The following USP40 variants were observed in gnomAD, a reference collection of about 807,000 sequenced individuals.
USP40 encodes the protein ubiquitin carboxyl-terminal hydrolase 40.
Under a neutral mutation model 166.2 loss-of-function variants are expected in USP40, and 143 were observed. That is an observed-to-expected ratio of 0.86 (90% CI 0.75 to 0.99). The LOEUF is 0.99. Ranked by LOEUF, USP40 falls within the 50% of genes least tolerant of loss-of-function variation. The pLI, the probability that USP40 is intolerant of heterozygous loss-of-function variation, is 0.00. For missense variants in USP40, 1,444 were observed against 1,479.7 expected, an observed-to-expected ratio of 0.98 and a Z score of 0.40; for synonymous variants, 498 against 524.0, an observed-to-expected ratio of 0.95 and a Z score of 0.68.
At chr2:233,479,627 A>ATGTGTGTGTG (rs972806782) in intron 31 of USP40, among the ~76,000 whole-genome samples, 8 of 123,524 alleles carry the variant, frequency 6.5e-5, no homozygotes, top group African/African-American at 1.9e-4. Flanking sequence ...ATAGAATTTT[A>ATGTGTGTGTG]CGTGTGTGTG....
Position 233,524,494 on chromosome 2 carries a change from C to T in USP40, c.1879G>A (p.Glu627Lys), listed in dbSNP as rs763306683. 3.4e-5 allele frequency: 55 copies of T among 1,604,596 alleles called. No individual in the cohort carries two copies. Among genetic ancestry groups the T allele is most frequent in the Non-Finnish European group, 4.5e-5 (53 of 1,176,272 alleles). The change falls in exon 15 of 32, where the codon GAG (glutamate) becomes AAG (lysine). Residue 627 changes from glutamate (E) to lysine (K), a missense_variant and splice_region_variant. Transcript: ENST00000678225. ...GEDIFVWNGVEVGGVHIQTGI... is the reference protein window; with the variant it reads ...GEDIFVWNGVKVGGVHIQTGI... ...ATTTCTTCAGTAATTTTTTTTACCT[C>T]CACCCCATTCCACACAAAGATGTCT...
chr2:233,512,520 A>G, intron 19 of USP40, 49 bp downstream of exon 19: 6 of 1,354,502 alleles, frequency 4.4e-6, no homozygotes, highest in Non-Finnish European at 6.0e-6. Flanking sequence ...TTTATCAAGA[A>G]AGACAGACGA....
In USP40 at chr2:233,554,542, A is replaced by C. The variant is rs754352365; in HGVS notation, c.547-16T>G. 7 of 1,585,576 alleles carry C rather than the reference A, an allele frequency of 4.4e-6. No individual in the cohort carries two copies. The highest frequency in any genetic ancestry group is 6.0e-6 in the Non-Finnish European group (7 of 1,169,556). ...AGAAGTCTTCCTGAAATAGACATGA[A>C]TATAATATTGAAAAACAATTTCAGA... is the stretch of plus-strand genomic sequence containing the variant. On this transcript the variant is annotated splice_polypyrimidine_tract_variant and intron_variant, in intron 5 of 31. Transcript: ENST00000678225.
At chr2:233,541,711 A>G (rs147788403) in intron 9 of USP40, among the ~76,000 whole-genome samples, 159 of 152,352 alleles carry the variant, frequency 1.0e-3, no homozygotes, top group African/African-American at 3.7e-3. Context: ...AGAAGACCTC[A>G]CATCTTTAAA....
At chr2:233,517,379 G>GTTTTT (rs202226925) in intron 18 of USP40, among the ~76,000 whole-genome samples, 1,486 of 136,892 alleles carry the variant, frequency 0.011, 68 homozygotes, top group East Asian at 0.052. Flanking sequence ...CACATGCATG[G>GTTTTT]TTTTTTGTTT....
intron 30 of USP40, chr2:233,481,753 T>A (rs1480260409): frequency 6.3e-6 from 1 of 158,702 alleles, no homozygotes; most frequent in African/African-American, 2.4e-5. Flanking sequence ...TTCCTTGGCA[T>A]CTCCTGCAAG....
intron 11 of USP40, among the ~76,000 whole-genome samples, chr2:233,529,814 C>T (rs72982330): frequency 0.36 from 47,620 of 133,540 alleles, 8,583 homozygotes; most frequent in Middle Eastern, 0.44. Context: ...TTTTCTTTTT[C>T]TTTTTTTTTT....
intron 14 of USP40, among the ~76,000 whole-genome samples, chr2:233,524,881 C>T (rs902036064): frequency 6.6e-6 from 1 of 152,166 alleles, no homozygotes; most frequent in Admixed American, 6.5e-5. Context: ...ATAACACAAG[C>T]TGTATTGTGT....
Position 233,542,878 on chromosome 2 carries a change from G to C in USP40, c.967-515C>G, listed in dbSNP as rs889831717. Among the ~76,000 whole-genome samples the C allele has an allele frequency of 3.3e-5, 5 of 152,172 alleles. No individual in the cohort carries two copies. In the East Asian group the frequency reaches 9.6e-4, roughly 29 times the overall value. ...CCTTCTAGCACAATACACACAGTGG[G>C]TTCCAATATTTTCCAGCTTAGCACT... On this transcript the variant is annotated intron_variant, in intron 8 of 31. Transcript: ENST00000678225.
chr2:233,556,083 T>A (rs1355512264), intron 5 of USP40, among the ~76,000 whole-genome samples: 1 of 146,876 alleles, frequency 6.8e-6, no homozygotes, highest in Non-Finnish European at 1.5e-5. Context: ...GCCACTGCAC[T>A]CCAGCCTGGG....
Position 233,548,834 on chromosome 2 carries a change from A to G in USP40, c.966+267T>C, listed in dbSNP as rs546007924. On this transcript the variant is annotated intron_variant, in intron 8 of 31. Coordinates refer to ENST00000678225, the MANE Select transcript of USP40 (RefSeq NM_001365479.2). ...TAATAATGTGTGTCTGTGTATGCAC[A>G]TGCACAAATGTGGCAAAATGTTAAC... Among the ~76,000 whole-genome samples, 3 of 152,296 alleles carry G rather than the reference A, an allele frequency of 2.0e-5. No individual in the cohort carries two copies. The South Asian group carries it at 6.2e-4, about 32-fold the overall frequency.
intron 10 of USP40, among the ~76,000 whole-genome samples, chr2:233,537,206 T>C (rs1156594244): frequency 6.6e-6 from 1 of 152,108 alleles, no homozygotes; most frequent in East Asian, 1.9e-4. Flanking sequence ...ATACGTAATC[T>C]AGTGATAGTT....
At position 233,550,566 on chromosome 2, in the gene USP40, C is replaced by T. The variant is rs74978823; in HGVS notation, c.837+810G>A. The stretch of plus-strand genomic sequence containing the variant: ...AAGGAAGGCCCATTTGTGAAGATCC[C>T]GAATTTAAGAATGTTTAGAAAAAGA... On this transcript the variant is annotated intron_variant, in intron 7 of 31. Coordinates refer to ENST00000678225, the MANE Select transcript of USP40 (RefSeq NM_001365479.2). Among the ~76,000 whole-genome samples the T allele has an allele frequency of 4.2e-3, 641 of 151,090 alleles. 32 individuals carry two copies. The East Asian group carries it at 0.096, about 23-fold the overall frequency.
chr2:233,521,220 T>A, intron 16 of USP40, 106 bp from the exon 17 acceptor site: 1 of 1,290,654 alleles, frequency 7.7e-7, no homozygotes, highest in East Asian at 2.5e-5. Flanking sequence ...GACCAAGTTC[T>A]ACTGAGTCGT....
intron 14 of USP40, among the ~76,000 whole-genome samples, chr2:233,525,211 CT>C (rs1460634660): frequency 6.6e-6 from 1 of 152,126 alleles, no homozygotes; most frequent in Non-Finnish European, 1.5e-5. Flanking sequence ...AATTCTAAAG[CT>C]TTTCAAGAAA....
chr2:233,537,594 G>A (rs2125297560), intron 10 of USP40, among the ~76,000 whole-genome samples: 1 of 152,140 alleles, frequency 6.6e-6, no homozygotes, highest in South Asian at 2.1e-4. Context: ...ACATTCAAGA[G>A]AATGAAATAA....
At chr2:233,488,185 A>G in intron 28 of USP40, 54 bp downstream of exon 28, 1 of 1,492,782 alleles carries the variant, frequency 6.7e-7, no homozygotes, top group Non-Finnish European at 9.2e-7. Context: ...TTCAAAAGGC[A>G]AACGAGGTTA....
Position 233,523,212 on chromosome 2 carries a change from T to C in USP40, c.2159A>G (p.Asn720Ser), listed in dbSNP as rs1157762943. 6.2e-7 allele frequency: 1 copy of C among 1,613,312 alleles called. No homozygotes were observed. The highest frequency in any genetic ancestry group is 1.1e-5 in the South Asian group (1 of 91,028). The change falls in exon 16 of 32, where the codon AAT becomes AGT. Residue 720 changes from asparagine to serine, a missense_variant. Asn to Ser is a conservative substitution (Grantham distance 46). Transcript: ENST00000678225. ...RKTFREQGLR[N>S]GSSILIQDSH... ...ATCCTGAATTAAAATTGAGCTTCCA[T>C]TTCTGAGCCCTTGCTCCCTGAACGT...
intron 10 of USP40, among the ~76,000 whole-genome samples, chr2:233,537,038 C>A (rs573767645): frequency 6.6e-6 from 1 of 151,988 alleles, no homozygotes; most frequent in Non-Finnish European, 1.5e-5. Context: ...TGCGCACCAC[C>A]GCATCCAGCT....
Sources: allele counts gnomAD v4.1 joint callset (sites outside exome capture counted in the v4.1 genomes callset), GRCh38; gene constraint gnomAD v4.1.1; transcripts MANE v1.5; gene names NCBI Gene and HGNC (gene_info 2026-07-23, HGNC 2026-07-21).